CCDC146: variants seen among roughly 807,000 people sequenced by gnomAD.
CCDC146 encodes coiled-coil domain-containing protein 146.
In CCDC146, 92 loss-of-function variants were observed where a neutral mutation model predicts 119.3. That is an observed-to-expected ratio of 0.77 (90% confidence interval 0.65 to 0.92). The LOEUF (loss-of-function observed/expected upper bound fraction) is 0.92, where lower values mean the gene tolerates loss of function less well. Among genes scored for constraint, CCDC146 ranks in the 40% least tolerant of loss-of-function variants. CCDC146 has a pLI of 0.00. For missense variants in CCDC146, 1,000 were observed against 1,103.0 expected (o/e 0.91, Z 1.32); for synonymous variants, 372 against 371.8 (o/e 1.00, Z -0.01).
chr7:77,191,395 T>C (rs2084523564), intron 2 of CCDC146, among the ~76,000 whole-genome samples: 1 of 152,196 alleles, frequency 6.6e-6, no homozygotes, highest in South Asian at 2.1e-4. Flanking sequence ...GTGGCCTCTT[T>C]AGAGTACAAC....
At chr7:77,220,402 T>TG (rs2150460886) in intron 2 of CCDC146, among the ~76,000 whole-genome samples, 1 of 152,352 alleles carries the variant, frequency 6.6e-6, no homozygotes, top group South Asian at 2.1e-4. Flanking sequence ...CACACATGTT[T>TG]TACAAACAAT....
At chr7:77,199,799 C>T in intron 2 of CCDC146, 2 of 1,611,604 alleles carry the variant, frequency 1.2e-6, no homozygotes, top group Non-Finnish European at 1.7e-6. Context: ...TTCATCTTTA[C>T]AGTGCTGCTC....
chr7:77,215,681 C>G (rs1271956690), intron 2 of CCDC146, among the ~76,000 whole-genome samples: 1 of 152,070 alleles, frequency 6.6e-6, no homozygotes, highest in Admixed American at 6.6e-5. Context: ...TTCTCCACAT[C>G]AAAATCCTGA....
At chr7:77,269,853 C>T (rs538704461) in intron 9 of CCDC146, among the ~76,000 whole-genome samples, 3 of 152,226 alleles carry the variant, frequency 2.0e-5, no homozygotes, top group South Asian at 2.1e-4. Flanking sequence ...TATAATTAGC[C>T]CAGCCACTGC....
intron 9 of CCDC146, among the ~76,000 whole-genome samples, chr7:77,263,500 A>G (rs555484554): frequency 2.0e-5 from 3 of 152,348 alleles, no homozygotes; most frequent in African/African-American, 4.8e-5. Flanking sequence ...CTGTAGCATA[A>G]CTTAGCCTGT....
intron 11 of CCDC146, among the ~76,000 whole-genome samples, chr7:77,275,075 A>C (rs977085506): frequency 5.8e-5 from 1 of 17,154 alleles, no homozygotes; most frequent in Non-Finnish European, 9.2e-5. Context: ...ACTCAAAAAA[A>C]AAAAGAAAAG....
intron 2 of CCDC146, among the ~76,000 whole-genome samples, chr7:77,216,719 A>T (rs1040642036): frequency 2.0e-5 from 3 of 152,096 alleles, no homozygotes; most frequent in African/African-American, 7.2e-5. Flanking sequence ...TTTGGCTCAA[A>T]CCTTTGCTAA....
At chr7:77,265,012 T>G (rs1238975578) in intron 9 of CCDC146, among the ~76,000 whole-genome samples, 1 of 152,214 alleles carries the variant, frequency 6.6e-6, no homozygotes, top group Non-Finnish European at 1.5e-5. Flanking sequence ...GCAACTCTTA[T>G]GCCCTCAAAC....
chr7:77,127,846 T>G (rs1390408472), intron 1 of CCDC146, among the ~76,000 whole-genome samples: 1 of 152,114 alleles, frequency 6.6e-6, no homozygotes, highest in Non-Finnish European at 1.5e-5. Context: ...TTTATGCCTC[T>G]TCATCTTTTC....
intron 2 of CCDC146, 99 bp from the exon 3 acceptor site, chr7:77,236,848 T>C: frequency 1.1e-6 from 1 of 884,722 alleles, no homozygotes; most frequent in Non-Finnish European, 1.8e-6. Flanking sequence ...CTCTAATGTT[T>C]AATGGAGGAT....
chr7:77,202,110 T>C (rs1792002433), intron 2 of CCDC146, among the ~76,000 whole-genome samples: 1 of 152,268 alleles, frequency 6.6e-6, no homozygotes, highest in African/African-American at 2.4e-5. Context: ...ACAGGCACTT[T>C]CATTCATTTA....
intron 17 of CCDC146, among the ~76,000 whole-genome samples, chr7:77,290,258 A>G (rs1380590459): frequency 6.6e-6 from 1 of 151,790 alleles, no homozygotes; most frequent in African/African-American, 2.4e-5. Context: ...GGATAGCATT[A>G]GGAGATATAC....
At chr7:77,231,309 C>T (rs1304911027) in intron 2 of CCDC146, among the ~76,000 whole-genome samples, 1 of 152,102 alleles carries the variant, frequency 6.6e-6, no homozygotes, top group Non-Finnish European at 1.5e-5. Context: ...AAAGTGCTTT[C>T]TTTAAGTGAA....
chr7:77,271,051 G>GGA (rs1427990228), intron 9 of CCDC146, among the ~76,000 whole-genome samples: 1 of 62,762 alleles, frequency 1.6e-5, no homozygotes. Context: ...TTGCAGCTCT[G>GGA]GAAAAAAAAA....
chr7:77,194,626 A>G (rs1328232816), intron 2 of CCDC146: 4 of 152,098 alleles, frequency 2.6e-5, no homozygotes, highest in African/African-American at 7.2e-5. Context: ...ATCCTCCTTA[A>G]TCATTTTAAA....
chr7:77,150,985 A>G (rs1224095712), intron 1 of CCDC146, among the ~76,000 whole-genome samples: 1 of 152,228 alleles, frequency 6.6e-6, no homozygotes, highest in Non-Finnish European at 1.5e-5. Context: ...ATTTTCTATG[A>G]AAAAGTACTG....
Position 77,282,803 on chromosome 7 carries a change from G to C in CCDC146, c.2148+18G>C, listed in dbSNP as rs974536572. 1.9e-6 allele frequency: 3 copies of C among 1,550,964 alleles called. No individual in the cohort carries two copies. In the Admixed American group the frequency reaches 5.0e-5, roughly 26 times the overall value. On this transcript the variant is annotated intron_variant, in intron 15 of 18. Coordinates refer to ENST00000285871, the MANE Select transcript of CCDC146 (RefSeq NM_020879.3). ...AAATTCAGGTGGGTGAGTGATCACG[G>C]GACACTTCCTCAGACCATTTATTTT... is the stretch of plus-strand genomic sequence containing the variant.
intron 2 of CCDC146, chr7:77,199,885 A>C: frequency 1.4e-6 from 2 of 1,454,984 alleles, no homozygotes; most frequent in Non-Finnish European, 1.8e-6. Flanking sequence ...CTGTGTTCCC[A>C]GGAAAGGGTG....
chr7:77,235,209 T>C (rs1792711439), intron 2 of CCDC146, among the ~76,000 whole-genome samples: 2 of 152,264 alleles, frequency 1.3e-5, no homozygotes, highest in Non-Finnish European at 2.9e-5. Flanking sequence ...ATAGGTCTTA[T>C]ATACTAGCTG....
Sources: gnomAD v4.1 joint callset for allele counts (sites outside exome capture counted in the v4.1 genomes callset) on GRCh38, gnomAD v4.1.1 for gene constraint, MANE v1.5 for transcripts, NCBI Gene and HGNC (gene_info 2026-07-23, HGNC 2026-07-21) for gene names.